Variants in GLYR1 observed in about 807,000 individuals in gnomAD.
GLYR1 encodes the protein glyoxylate reductase 1 homolog.
GLYR1 carries 21 observed loss-of-function variants against 72.7 expected under a neutral mutation model. That is an observed-to-expected ratio of 0.29 (90% CI 0.20 to 0.42). The LOEUF (loss-of-function observed/expected upper bound fraction) is 0.42, where lower values mean the gene tolerates loss of function less well. GLYR1 is among the 10% of genes least tolerant of loss of function. The probability of loss-of-function intolerance (pLI) is 1.00; values close to 1 mark genes in which losing one functional copy is unlikely to be tolerated. For missense variants in GLYR1, 594 were observed against 712.1 expected, an observed-to-expected ratio of 0.83 and a Z score of 1.89; for synonymous variants, 392 against 270.2, an observed-to-expected ratio of 1.45 and a Z score of -4.42.
intron 12 of GLYR1, 87 bp downstream of exon 12, chr16:4,813,650 A>G: frequency 8.7e-7 from 1 of 1,155,580 alleles, no homozygotes; most frequent in Admixed American, 2.0e-5. Context: ...TTGGCTCTAG[A>G]GTAACTTAAC....
intron 10 of GLYR1, among the ~76,000 whole-genome samples, chr16:4,817,372 G>A (rs1456795781): frequency 6.6e-6 from 1 of 152,094 alleles, no homozygotes; most frequent in Non-Finnish European, 1.5e-5. Context: ...GCCCGCCTCA[G>A]CCTCCCAAAG....
At chr16:4,834,808 G>A (rs1317852857) in intron 3 of GLYR1, among the ~76,000 whole-genome samples, 1 of 152,126 alleles carries the variant, frequency 6.6e-6, no homozygotes, top group Non-Finnish European at 1.5e-5. Context: ...CAACATGAGA[G>A]CGCCAATGAG....
intron 7 of GLYR1, among the ~76,000 whole-genome samples, chr16:4,822,015 C>T (rs1439320374): frequency 1.3e-5 from 2 of 152,238 alleles, no homozygotes; most frequent in Non-Finnish European, 2.9e-5. Flanking sequence ...GGGGTGCTGA[C>T]AGCTTACGAT....
chr16:4,813,902 G>A (rs1274299004), intron 11 of GLYR1, 64 bp from the exon 12 acceptor site: 5 of 1,271,938 alleles, frequency 3.9e-6, no homozygotes, highest in African/African-American at 1.5e-5. Flanking sequence ...GAGCCCTACA[G>A]ACCTCAGATC....
intron 12 of GLYR1, 36 bp downstream of exon 12, chr16:4,813,701 A>G: frequency 6.5e-7 from 1 of 1,531,272 alleles, no homozygotes; most frequent in Non-Finnish European, 8.9e-7. Flanking sequence ...TCTGATAGAA[A>G]AGATGCTGGA....
At chr16:4,821,200 C>T (rs2083999416) in intron 9 of GLYR1, 180 bp downstream of exon 9, 2 of 661,082 alleles carry the variant, frequency 3.0e-6, no homozygotes, top group Non-Finnish European at 5.2e-6. Flanking sequence ...GACCCGACCA[C>T]AGATTTACAC....
chr16:4,822,179 T>C (rs1596341368), intron 7 of GLYR1, among the ~76,000 whole-genome samples: 2 of 152,138 alleles, frequency 1.3e-5, no homozygotes, highest in South Asian at 4.1e-4. Context: ...CTTTACCTCC[T>C]GGGTTCAAGC....
At chr16:4,835,804 C>T (rs2085093439) in intron 3 of GLYR1, among the ~76,000 whole-genome samples, 1 of 152,138 alleles carries the variant, frequency 6.6e-6, no homozygotes, top group Non-Finnish European at 1.5e-5. Context: ...GCACTCCAGC[C>T]TGGGCAACAG....
At chr16:4,819,083 C>T (rs2083838631) in intron 9 of GLYR1, among the ~76,000 whole-genome samples, 1 of 152,226 alleles carries the variant, frequency 6.6e-6, no homozygotes, top group Admixed American at 6.5e-5. Flanking sequence ...ACTTCTTCAC[C>T]TCTCTTTGCA....
chr16:4,822,864 A>C lies in GLYR1; in HGVS notation c.681+11T>G. On this transcript the variant is annotated intron_variant, in intron 7 of 15. Transcript: ENST00000321919. ...CCTGACCAAGGGCCAAGAGCCTCAA[A>C]GGCAACTCACCTTCTCTGTTTGGCT... 1 of 1,613,420 alleles carries C rather than the reference A, an allele frequency of 6.2e-7. No individual in the cohort carries two copies. Among genetic ancestry groups the C allele is most frequent in the Non-Finnish European group, 8.5e-7 (1 of 1,179,286 alleles).
chr16:4,813,104 A>G (rs890991480), intron 12 of GLYR1, among the ~76,000 whole-genome samples: 2 of 152,070 alleles, frequency 1.3e-5, no homozygotes, highest in Non-Finnish European at 2.9e-5. Context: ...CTGGGACTAC[A>G]GGTGCCCGCC....
At chr16:4,835,248 C>A (rs565474930) in intron 3 of GLYR1, among the ~76,000 whole-genome samples, 4 of 152,108 alleles carry the variant, frequency 2.6e-5, no homozygotes, top group Non-Finnish European at 5.9e-5. Context: ...TCTGAGGGAA[C>A]AGAAAGGTGA....
chr16:4,825,380 G>A (rs2084313766), intron 5 of GLYR1, among the ~76,000 whole-genome samples: 1 of 152,128 alleles, frequency 6.6e-6, no homozygotes, highest in Admixed American at 6.5e-5. Context: ...GCATGTGCCT[G>A]CCCTGGCACC....
At chr16:4,844,446 G>C (rs2085811871) in intron 3 of GLYR1, among the ~76,000 whole-genome samples, 1 of 152,180 alleles carries the variant, frequency 6.6e-6, no homozygotes, top group African/African-American at 2.4e-5. Context: ...ATGATATATG[G>C]CATTAAAAGA....
At chr16:4,822,775 G>A (rs959893379) in intron 7 of GLYR1, 100 bp downstream of exon 7, 6 of 979,578 alleles carry the variant, frequency 6.1e-6, no homozygotes, top group African/African-American at 4.8e-5. Flanking sequence ...GCAATACACC[G>A]GCAGAGCCTA....
chr16:4,815,248 G>A (rs1236103577), intron 10 of GLYR1, among the ~76,000 whole-genome samples: 1 of 151,864 alleles, frequency 6.6e-6, no homozygotes, highest in Non-Finnish European at 1.5e-5. Context: ...TGGGACTATA[G>A]GTGCATGCCC....
intron 5 of GLYR1, among the ~76,000 whole-genome samples, chr16:4,825,999 T>C (rs1367979978): frequency 1.3e-5 from 2 of 152,146 alleles, no homozygotes; most frequent in Non-Finnish European, 2.9e-5. Context: ...CACACAGAGC[T>C]TAAGTAACCT....
chr16:4,837,386 G>A (rs1359377677), intron 3 of GLYR1, among the ~76,000 whole-genome samples: 2 of 151,560 alleles, frequency 1.3e-5, no homozygotes, highest in African/African-American at 4.9e-5. Flanking sequence ...AGTGCAGATC[G>A]TGCTACTGCA....
intron 10 of GLYR1, 127 bp from the exon 11 acceptor site, chr16:4,814,774 G>A (rs866068745): frequency 1.4e-6 from 1 of 713,462 alleles, no homozygotes; most frequent in African/African-American, 1.8e-5. Flanking sequence ...CCGGGAGCCT[G>A]GGTCATGGAG....
Sources: allele counts gnomAD v4.1 joint callset (sites outside exome capture counted in the v4.1 genomes callset), GRCh38; gene constraint gnomAD v4.1.1; transcripts MANE v1.5; gene names NCBI Gene and HGNC (gene_info 2026-07-23, HGNC 2026-07-21).